Variants in DPYD observed in about 807,000 individuals in gnomAD.
DPYD encodes dihydropyrimidine dehydrogenase [NADP(+)].
DPYD carries 109 observed loss-of-function variants against 116.2 expected under a neutral mutation model. The observed-to-expected ratio is 0.94, with a 90% confidence interval of 0.80 to 1.10. The LOEUF (loss-of-function observed/expected upper bound fraction) is 1.10. Ranked by LOEUF, DPYD falls within the 50% of genes least tolerant of loss-of-function variation. DPYD has a pLI of 0.00. For synonymous variants in DPYD, 440 were observed against 432.0 expected (o/e 1.02, Z -0.23); for missense variants, 1,302 against 1,254.5 (o/e 1.04, Z -0.57).
chr1:97,137,253 A>G (rs954892951), intron 20 of DPYD, among the ~76,000 whole-genome samples: 2 of 152,232 alleles, frequency 1.3e-5, no homozygotes, highest in African/African-American at 2.4e-5. Flanking sequence ...ACAGTGCCAC[A>G]CAACCCCACA....
intron 8 of DPYD, among the ~76,000 whole-genome samples, chr1:97,670,402 T>C (rs1404942907): frequency 6.6e-6 from 1 of 152,172 alleles, no homozygotes; most frequent in Non-Finnish European, 1.5e-5. Context: ...GCCCCCATCA[T>C]GGGATTAGTG....
intron 8 of DPYD, among the ~76,000 whole-genome samples, chr1:97,655,654 AT>A (rs1447986824): frequency 2.0e-5 from 3 of 152,238 alleles, no homozygotes; most frequent in African/African-American, 7.2e-5. Flanking sequence ...CAGTCTTTTT[AT>A]AGCAGAAGCA....
intron 14 of DPYD, among the ~76,000 whole-genome samples, chr1:97,447,571 G>GA (rs1371636098): frequency 1.3e-5 from 2 of 152,170 alleles, no homozygotes; most frequent in Non-Finnish European, 2.9e-5. Context: ...AATAGGGAAA[G>GA]AATCAGAAAC....
intron 8 of DPYD, among the ~76,000 whole-genome samples, chr1:97,651,592 A>G (rs1465233159): frequency 1.3e-5 from 2 of 152,086 alleles, no homozygotes; most frequent in African/African-American, 4.8e-5. Flanking sequence ...TCTTTCATTC[A>G]CTGGTTACAC....
intron 20 of DPYD, among the ~76,000 whole-genome samples, chr1:97,164,012 A>T (rs919579087): frequency 2.6e-5 from 4 of 152,306 alleles, no homozygotes; most frequent in African/African-American, 9.6e-5. Flanking sequence ...ATGAACACTG[A>T]TGCTAAATTC....
chr1:97,542,384 G>A (rs188437185), intron 12 of DPYD, among the ~76,000 whole-genome samples: 31 of 152,232 alleles, frequency 2.0e-4, no homozygotes, highest in Non-Finnish European at 3.8e-4. Context: ...TTGATTAGTG[G>A]AGCTTGGTCT....
At chr1:97,602,925 GTTAATGTAA>G (rs1312898124) in intron 8 of DPYD, among the ~76,000 whole-genome samples, 8 of 151,900 alleles carry the variant, frequency 5.3e-5, no homozygotes, top group African/African-American at 1.4e-4. Context: ...TAGAAAAGAT[GTTAATGTAA>G]TTTCATATTT....
chr1:97,602,481 G>A (rs1408515848), intron 8 of DPYD, among the ~76,000 whole-genome samples: 1 of 151,880 alleles, frequency 6.6e-6, no homozygotes, highest in Non-Finnish European at 1.5e-5. Flanking sequence ...GAATTTGAGT[G>A]GTTGAAATTC....
intron 21 of DPYD, among the ~76,000 whole-genome samples, chr1:97,093,023 C>T (rs1649998343): frequency 6.6e-6 from 1 of 152,140 alleles, no homozygotes; most frequent in South Asian, 2.1e-4. Flanking sequence ...CTTCTAATCT[C>T]TACTTAGTCT....
chr1:97,632,074 G>A lies in DPYD; in HGVS notation c.851-36908C>T, dbSNP rs568011763. 2.6e-5 allele frequency among the ~76,000 whole-genome samples: 4 copies of A among 152,168 alleles called. No individual in the cohort carries two copies. The South Asian group carries it at 8.3e-4, about 32-fold the overall frequency. ...AAAAATTACTAATATAACAGGGACT[G>A]AAATGAAAAGAGCTGGCAATGCATT... is the stretch of plus-strand genomic sequence containing the variant. On this transcript the variant is annotated intron_variant, in intron 8 of 22. Coordinates refer to ENST00000370192, the MANE Select transcript of DPYD (RefSeq NM_000110.4).
intron 8 of DPYD, among the ~76,000 whole-genome samples, chr1:97,663,658 A>G (rs1659392534): frequency 6.6e-6 from 1 of 152,186 alleles, no homozygotes; most frequent in African/African-American, 2.4e-5. Flanking sequence ...TTCATTTTCC[A>G]CAGCACAAAG....
chr1:97,920,280 G>A (rs1356878139), intron 1 of DPYD, among the ~76,000 whole-genome samples: 1 of 152,096 alleles, frequency 6.6e-6, no homozygotes, highest in Non-Finnish European at 1.5e-5. Context: ...ACCGTTGAGA[G>A]GAGAGAAAAA....
intron 18 of DPYD, chr1:97,296,274 G>A (rs1413342630): frequency 6.6e-6 from 1 of 152,138 alleles, no homozygotes; most frequent in Non-Finnish European, 1.5e-5. Flanking sequence ...GAAAGAGCAA[G>A]TCATCAAGTT....
At chr1:97,192,863 T>G (rs1235872945) in intron 20 of DPYD, among the ~76,000 whole-genome samples, 1 of 152,182 alleles carries the variant, frequency 6.6e-6, no homozygotes, top group Non-Finnish European at 1.5e-5. Context: ...TATATAATCT[T>G]GTGTTGTATT....
chr1:97,554,200 G>A (rs953349066), intron 11 of DPYD, among the ~76,000 whole-genome samples: 1 of 152,012 alleles, frequency 6.6e-6, no homozygotes, highest in Non-Finnish European at 1.5e-5. Flanking sequence ...AGATTGCCAA[G>A]GTCAATTAAA....
At chr1:97,912,538 T>C (rs1674001316) in intron 1 of DPYD, among the ~76,000 whole-genome samples, 1 of 152,114 alleles carries the variant, frequency 6.6e-6, no homozygotes, top group African/African-American at 2.4e-5. Context: ...ATGTACTACA[T>C]CAATATTACG....
At chr1:97,751,458 G>GTATATA (rs1345170970) in intron 3 of DPYD, among the ~76,000 whole-genome samples, 340 of 21,944 alleles carry the variant, frequency 0.015, no homozygotes, top group East Asian at 0.027. Context: ...GTGTGTGTGT[G>GTATATA]TGTATATATA....
chr1:97,683,136 T>G (rs1484964034), intron 7 of DPYD, among the ~76,000 whole-genome samples: 1 of 152,018 alleles, frequency 6.6e-6, no homozygotes, highest in Non-Finnish European at 1.5e-5. Context: ...TCTTCACAGT[T>G]GTCTAATAGA....
intron 5 of DPYD, among the ~76,000 whole-genome samples, chr1:97,701,887 A>G (rs545548913): frequency 6.6e-6 from 1 of 151,936 alleles, no homozygotes; most frequent in South Asian, 2.1e-4. Flanking sequence ...AACATCTTTG[A>G]ATTCACCTTT....
Sources: gnomAD v4.1 joint callset for allele counts (sites outside exome capture counted in the v4.1 genomes callset) on GRCh38, gnomAD v4.1.1 for gene constraint, MANE v1.5 for transcripts, NCBI Gene and HGNC (gene_info 2026-07-23, HGNC 2026-07-21) for gene names.